The following ATXN10 variants were observed in gnomAD, a reference collection of about 807,000 sequenced individuals.
ATXN10 encodes the protein ataxin 10, also known as ataxin-10.
In ATXN10, 28 loss-of-function variants were observed where a neutral mutation model predicts 52.9. The observed-to-expected ratio is 0.53, with a 90% CI of 0.39 to 0.73. The LOEUF (loss-of-function observed/expected upper bound fraction) is 0.73. Among genes scored for constraint, ATXN10 ranks in the 30% least tolerant of loss-of-function variants. ATXN10 has a pLI of 0.00. For missense variants in ATXN10, 565 were observed against 577.0 expected (o/e 0.98, Z 0.21); for synonymous variants, 226 against 221.5 (o/e 1.02, Z -0.18).
At chr22:45,735,327 C>T (rs1925251999) in intron 7 of ATXN10, among the ~76,000 whole-genome samples, 1 of 151,340 alleles carries the variant, frequency 6.6e-6, no homozygotes, top group Non-Finnish European at 1.5e-5. Flanking sequence ...AGGGTCTCGC[C>T]CTGTTCCCCA....
chr22:45,673,685 A>G (rs1324183277), intron 1 of ATXN10: 1 of 152,164 alleles, frequency 6.6e-6, no homozygotes, highest in Non-Finnish European at 1.5e-5. Flanking sequence ...AACACATTGT[A>G]ATGGAAATCT....
At chr22:45,725,125 T>C (rs758951761) in intron 6 of ATXN10, among the ~76,000 whole-genome samples, 1 of 152,172 alleles carries the variant, frequency 6.6e-6, no homozygotes, top group Non-Finnish European at 1.5e-5. Flanking sequence ...TTAAGATTGC[T>C]TTGGATATTT....
intron 9 of ATXN10, among the ~76,000 whole-genome samples, chr22:45,782,946 C>T (rs1482798048): frequency 1.3e-5 from 2 of 151,506 alleles, no homozygotes; most frequent in African/African-American, 4.8e-5. Flanking sequence ...ACAACGATAA[C>T]TAATGGTAAA....
intron 9 of ATXN10, among the ~76,000 whole-genome samples, chr22:45,749,805 GTCC>G (rs1030342256): frequency 6.6e-6 from 1 of 152,082 alleles, no homozygotes; most frequent in African/African-American, 2.4e-5. Context: ...GCCTCAGGCA[GTCC>G]TCCTTCCTTG....
chr22:45,773,445 A>ATTATTTATTTATTTATTTATTTATTTAT (rs111706438), intron 9 of ATXN10, among the ~76,000 whole-genome samples: 20 of 149,376 alleles, frequency 1.3e-4, no homozygotes, highest in African/African-American at 5.0e-4. Context: ...TGAATGAAGA[A>ATTATTTATTTATTTATTTATTTATTTAT]TTATTTATTT....
chr22:45,819,640 G>A lies in ATXN10; in HGVS notation c.1237+12618G>A, dbSNP rs1188322003. Among the ~76,000 whole-genome samples, 1 of 152,230 alleles carries A rather than the reference G, an allele frequency of 6.6e-6. No homozygotes were observed. The highest frequency in any genetic ancestry group is 1.5e-5 in the Non-Finnish European group (1 of 68,044). On this transcript the variant is annotated intron_variant, in intron 10 of 11. Coordinates refer to ENST00000252934, the MANE Select transcript of ATXN10 (RefSeq NM_013236.4). This position sits in a 1 kb window ranked among gnomAD's most constrained non-coding sequence, Gnocchi z 4.5. ...GCTGCTGGATTGAGACTGGAGGGAA[G>A]TGTGACTGCCTGTGCATGAAGTGCT...
intron 7 of ATXN10, among the ~76,000 whole-genome samples, chr22:45,736,543 T>C (rs1033483174): frequency 6.6e-6 from 1 of 152,034 alleles, no homozygotes; most frequent in African/African-American, 2.4e-5. Flanking sequence ...CTCCAGTGTA[T>C]AGGTTCCCCT....
Position 45,818,739 on chromosome 22 carries a change from C to T in ATXN10, c.1237+11717C>T, listed in dbSNP as rs1483914324. On this transcript the variant is annotated intron_variant, in intron 10 of 11. Coordinates refer to ENST00000252934, the MANE Select transcript of ATXN10 (RefSeq NM_013236.4). This position sits in a 1 kb window ranked among gnomAD's most constrained non-coding sequence, Gnocchi z 4.6. ...GGTTACTTCAGCTGCCTGTCTGCTG[C>T]GTTTTCCCAAGCGTGCTTCTCAGTG... Among the ~76,000 whole-genome samples the T allele has an allele frequency of 1.3e-5, 2 of 151,732 alleles. No homozygotes were observed. Among genetic ancestry groups the T allele is most frequent in the African/African-American group, 4.8e-5 (2 of 41,320 alleles).
At chr22:45,725,837 T>C (rs1036656939) in intron 6 of ATXN10, among the ~76,000 whole-genome samples, 3 of 152,102 alleles carry the variant, frequency 2.0e-5, no homozygotes, top group African/African-American at 4.8e-5. Context: ...TGAGATATGT[T>C]CCTTCTATGC....
rs1294750358 is a variant in ATXN10, at chr22:45,769,090, A to G, written c.1173+28552A>G. On this transcript the variant is annotated intron_variant, in intron 9 of 11. Transcript: ENST00000252934. This position sits in a 1 kb window ranked among gnomAD's most constrained non-coding sequence, Gnocchi z 4.2. ...GAAGCCGAATGTTGGGTGTGTGAGTATGTATTATACCTCCCTCTCTCTGTA... is the reference window on the plus strand; with the variant it reads ...GAAGCCGAATGTTGGGTGTGTGAGTGTGTATTATACCTCCCTCTCTCTGTA... Among the ~76,000 whole-genome samples, 12 of 151,906 alleles carry G rather than the reference A, an allele frequency of 7.9e-5. No homozygotes were observed. The highest frequency in any genetic ancestry group is 1.2e-4 in the Non-Finnish European group (8 of 67,980).
chr22:45,810,195 G>A (rs577766196), intron 10 of ATXN10, among the ~76,000 whole-genome samples: 1 of 152,262 alleles, frequency 6.6e-6, no homozygotes, highest in Non-Finnish European at 1.5e-5. Context: ...TCACTGTAGC[G>A]CCACCTTTAT....
chr22:45,694,360 T>C (rs1923504190), intron 3 of ATXN10, among the ~76,000 whole-genome samples: 1 of 152,126 alleles, frequency 6.6e-6, no homozygotes, highest in South Asian at 2.1e-4. Context: ...GATAAAAAAA[T>C]CTTAATGTAG....
At chr22:45,745,091 G>A (rs550388388) in intron 9 of ATXN10, among the ~76,000 whole-genome samples, 1 of 152,268 alleles carries the variant, frequency 6.6e-6, no homozygotes, top group African/African-American at 2.4e-5. Context: ...GGACCTAAAT[G>A]GAGATTCTGT....
At chr22:45,785,198 G>A (rs772908895) in intron 9 of ATXN10, among the ~76,000 whole-genome samples, 5 of 152,146 alleles carry the variant, frequency 3.3e-5, no homozygotes, top group Non-Finnish European at 7.4e-5. Context: ...TGGTACTTTC[G>A]GGAGGCTACT....
intron 5 of ATXN10, chr22:45,704,033 G>C (rs1030412638): frequency 1.3e-5 from 2 of 152,138 alleles, no homozygotes; most frequent in African/African-American, 4.8e-5. Flanking sequence ...AAGGTCACCA[G>C]GGCACTATGT....
chr22:45,752,087 T>C (rs1925997463), intron 9 of ATXN10, among the ~76,000 whole-genome samples: 1 of 152,198 alleles, frequency 6.6e-6, no homozygotes, highest in Non-Finnish European at 1.5e-5. Flanking sequence ...TCAAACCTAC[T>C]GCTATATTGC....
intron 9 of ATXN10, chr22:45,793,104 T>C: frequency 4.6e-6 from 1 of 218,262 alleles, no homozygotes. Context: ...ACCTGACATA[T>C]CTTAAAATTC....
chr22:45,798,789 A>G lies in ATXN10; in HGVS notation c.1174-8170A>G, dbSNP rs136006. 6.9e-3 allele frequency among the ~76,000 whole-genome samples: 1,053 copies of G among 152,348 alleles called. 9 individuals carry two copies. The highest frequency in any genetic ancestry group is 0.024 in the African/African-American group (1,001 of 41,568). On this transcript the variant is annotated intron_variant, in intron 9 of 11. Coordinates refer to ENST00000252934, the MANE Select transcript of ATXN10 (RefSeq NM_013236.4). ...GAACTGATAAAGTTATGAGAAGTGA[A>G]TTTTGAATGGTTACAAGATATGTAA...
rs904492561 is a variant in ATXN10, at chr22:45,732,589, TA to T, written c.894+3003del. On this transcript the variant is annotated intron_variant, in intron 7 of 11. Coordinates refer to ENST00000252934, the MANE Select transcript of ATXN10 (RefSeq NM_013236.4). The surrounding 1 kb of genome is among the most constrained non-coding windows in gnomAD (Gnocchi z 4.5). Reference sequence around the variant, plus strand: ...ATATGTCATACTTTTTTTTTTTTTTTAAAAGAGGACCACTTTGCCAGTATTT... The same window carrying T: ...ATATGTCATACTTTTTTTTTTTTTTTAAAGAGGACCACTTTGCCAGTATTT... 1.3e-5 allele frequency among the ~76,000 whole-genome samples: 2 copies of T among 151,326 alleles called. No homozygotes were observed. Among genetic ancestry groups the T allele is most frequent in the African/African-American group, 4.9e-5 (2 of 40,940 alleles).
Sources: gnomAD v4.1 joint callset for allele counts (sites outside exome capture counted in the v4.1 genomes callset) on GRCh38, gnomAD v4.1.1 for gene constraint, Gnocchi (gnomAD v3.1) non-coding constraint, MANE v1.5 for transcripts, NCBI Gene and HGNC (gene_info 2026-07-23, HGNC 2026-07-21) for gene names.